Variants in EPHA6 observed in about 807,000 individuals in gnomAD.
EPHA6 encodes ephrin type-A receptor 6.
EPHA6 carries 50 observed loss-of-function variants against 112.0 expected under a neutral mutation model. That is an observed-to-expected ratio of 0.45 (90% CI 0.36 to 0.56). EPHA6 has a LOEUF of 0.56. Ranked by LOEUF, EPHA6 falls within the 20% of genes least tolerant of loss-of-function variation. The pLI is 0.00. For synonymous variants in EPHA6, 529 were observed against 490.7 expected, an observed-to-expected ratio of 1.08 and a Z score of -1.03; for missense variants, 1,280 against 1,417.4, an observed-to-expected ratio of 0.90 and a Z score of 1.56.
intron 3 of EPHA6, among the ~76,000 whole-genome samples, chr3:96,994,715 A>ATATATATATATATG (rs2043340691): frequency 1.1e-5 from 1 of 92,080 alleles, no homozygotes; most frequent in Admixed American, 1.3e-4. Flanking sequence ...GTGTGTATAT[A>ATATATATATATATG]TATATATATA....
At chr3:97,324,441 C>CTTTCTT (rs1553746347) in intron 5 of EPHA6, among the ~76,000 whole-genome samples, 1 of 146,120 alleles carries the variant, frequency 6.8e-6, no homozygotes, top group East Asian at 2.0e-4. Flanking sequence ...TTCTTTCTTT[C>CTTTCTT]TTTCTTTCTT....
intron 11 of EPHA6, among the ~76,000 whole-genome samples, chr3:97,543,476 C>T (rs1261823032): frequency 1.3e-5 from 2 of 152,140 alleles, no homozygotes; most frequent in Admixed American, 6.5e-5. Flanking sequence ...GTACCAGTAC[C>T]ATGCTGTTTT....
At chr3:96,966,885 G>A (rs1347968035) in intron 2 of EPHA6, among the ~76,000 whole-genome samples, 1 of 151,872 alleles carries the variant, frequency 6.6e-6, no homozygotes, top group African/African-American at 2.4e-5. Flanking sequence ...ACTGTGTTAA[G>A]TATATGTTAG....
At chr3:96,935,453 A>C (rs536848100) in intron 2 of EPHA6, among the ~76,000 whole-genome samples, 1 of 150,944 alleles carries the variant, frequency 6.6e-6, no homozygotes, top group South Asian at 2.1e-4. Context: ...ACATATATAA[A>C]ACTATTATAG....
intron 2 of EPHA6, among the ~76,000 whole-genome samples, chr3:96,942,486 G>C (rs977784860): frequency 6.6e-6 from 1 of 152,192 alleles, no homozygotes; most frequent in Non-Finnish European, 1.5e-5. Context: ...TAGGGTGGGA[G>C]TGACCCGATT....
At chr3:96,878,842 A>G (rs1427140115) in intron 2 of EPHA6, among the ~76,000 whole-genome samples, 2 of 152,108 alleles carry the variant, frequency 1.3e-5, no homozygotes, top group Admixed American at 1.3e-4. Context: ...GGTGAAAAAC[A>G]TATAAAGTGA....
At chr3:97,229,472 G>A (rs2078457659) in intron 4 of EPHA6, among the ~76,000 whole-genome samples, 1 of 151,862 alleles carries the variant, frequency 6.6e-6, no homozygotes, top group Admixed American at 6.6e-5. Flanking sequence ...TATTGAATAG[G>A]GTGTCCTTTC....
At chr3:97,041,249 A>G (rs538495757) in intron 3 of EPHA6, among the ~76,000 whole-genome samples, 4 of 152,058 alleles carry the variant, frequency 2.6e-5, no homozygotes, top group African/African-American at 4.8e-5. Context: ...TTTATCCCCT[A>G]CTTTCATATG....
intron 5 of EPHA6, among the ~76,000 whole-genome samples, chr3:97,296,257 T>C (rs955311018): frequency 1.3e-5 from 2 of 152,088 alleles, no homozygotes; most frequent in Non-Finnish European, 1.5e-5. Flanking sequence ...GGTAGGCCTG[T>C]ACTCAGGCCC....
At chr3:97,563,029 C>G (rs954458560) in intron 11 of EPHA6, among the ~76,000 whole-genome samples, 14 of 152,118 alleles carry the variant, frequency 9.2e-5, no homozygotes, top group African/African-American at 3.4e-4. Flanking sequence ...GCAAGCATAA[C>G]TTTTATATGC....
At chr3:97,287,470 CA>C (rs5851060) in intron 5 of EPHA6, among the ~76,000 whole-genome samples, 29,568 of 141,472 alleles carry the variant, frequency 0.21, 6,551 homozygotes, top group African/African-American at 0.54. Flanking sequence ...GTCTCAAAAA[CA>C]AAAAAAAAAC....
chr3:97,126,647 T>G (rs2048189152), intron 3 of EPHA6, among the ~76,000 whole-genome samples: 1 of 152,024 alleles, frequency 6.6e-6, no homozygotes, highest in Non-Finnish European at 1.5e-5. Flanking sequence ...TAGGTTCTTA[T>G]GAATGTTACA....
intron 5 of EPHA6, among the ~76,000 whole-genome samples, chr3:97,378,307 T>A (rs1012522708): frequency 2.0e-5 from 3 of 152,182 alleles, no homozygotes; most frequent in African/African-American, 7.2e-5. Context: ...GGTTTGGGAA[T>A]CTCTGCCTAG....
chr3:96,941,890 GCAGCGGTGGCTGTAGAA>G (rs544376285), intron 2 of EPHA6, among the ~76,000 whole-genome samples: 4,414 of 152,244 alleles, frequency 0.029, 205 homozygotes, highest in African/African-American at 0.099. Context: ...CTGGGTACCA[GCAGCGGTGGCTGTAGAA>G]CAGCGGTGGC....
chr3:97,693,334 T>A (rs1172312125), intron 14 of EPHA6, among the ~76,000 whole-genome samples: 2 of 152,200 alleles, frequency 1.3e-5, no homozygotes, highest in East Asian at 3.9e-4. Context: ...AGTATATATT[T>A]AAATAAAACA....
intron 2 of EPHA6, among the ~76,000 whole-genome samples, chr3:96,965,747 T>A (rs538194458): frequency 2.0e-5 from 3 of 152,270 alleles, no homozygotes; most frequent in African/African-American, 4.8e-5. Flanking sequence ...TCAGCAACAT[T>A]TGTTTATACT....
intron 2 of EPHA6, among the ~76,000 whole-genome samples, chr3:96,892,716 A>G (rs1241863151): frequency 6.6e-6 from 1 of 152,092 alleles, no homozygotes; most frequent in Non-Finnish European, 1.5e-5. Context: ...AAGAAAATTC[A>G]TAAATATTTT....
At chr3:97,586,429 T>A (rs944769441) in intron 11 of EPHA6, among the ~76,000 whole-genome samples, 3 of 152,200 alleles carry the variant, frequency 2.0e-5, no homozygotes, top group Non-Finnish European at 4.4e-5. Context: ...ATTGAATCTC[T>A]AGCCTCATCC....
At chr3:97,646,069 A>C in intron 14 of EPHA6, 1 of 1,378,002 alleles carries the variant, frequency 7.3e-7, no homozygotes, top group South Asian at 1.4e-5. Context: ...TTTCTAATCA[A>C]AATACGGACA....
Sources: gnomAD v4.1 joint callset for allele counts (sites outside exome capture counted in the v4.1 genomes callset) on GRCh38, gnomAD v4.1.1 for gene constraint, MANE v1.5 for transcripts, NCBI Gene and HGNC (gene_info 2026-07-23, HGNC 2026-07-21) for gene names.